SKOR2: variants seen among roughly 807,000 people sequenced by gnomAD.
SKOR2 encodes SKI family transcriptional corepressor 2, also known as LBX1 corepressor 1-like protein.
Under a neutral mutation model 69.1 loss-of-function variants are expected in SKOR2, and 47 were observed. The observed-to-expected ratio is 0.68, with a 90% CI of 0.54 to 0.87. The LOEUF (loss-of-function observed/expected upper bound fraction) is 0.87. Among genes scored for constraint, SKOR2 ranks in the 40% least tolerant of loss-of-function variants. The probability of loss-of-function intolerance (pLI) is 0.00; values close to 1 mark genes in which losing one functional copy is unlikely to be tolerated. For missense variants in SKOR2, 1,404 were observed against 1,472.2 expected, an observed-to-expected ratio of 0.95 and a Z score of 0.76; for synonymous variants, 717 against 672.6, an observed-to-expected ratio of 1.07 and a Z score of -1.02.
intron 4 of SKOR2, among the ~76,000 whole-genome samples, chr18:47,242,281 A>G (rs943625656): frequency 2.0e-5 from 3 of 152,168 alleles, no homozygotes; most frequent in African/African-American, 4.8e-5. Context: ...ATTAATATAC[A>G]TGAAATGAAG....
At chr18:47,236,762 C>A (rs1038205238) in intron 4 of SKOR2, among the ~76,000 whole-genome samples, 1 of 152,132 alleles carries the variant, frequency 6.6e-6, no homozygotes, top group Admixed American at 6.5e-5. Context: ...GTCTAAGCCA[C>A]CCAGTCGATG....
At chr18:47,249,654 T>G (rs1018339920) in intron 1 of SKOR2, among the ~76,000 whole-genome samples, 1 of 152,206 alleles carries the variant, frequency 6.6e-6, no homozygotes, top group Non-Finnish European at 1.5e-5. Context: ...GAGCTGTCAT[T>G]CTCATTTGCT....
At chr18:47,244,425 C>A (rs1425835076) in intron 4 of SKOR2, among the ~76,000 whole-genome samples, 1 of 152,162 alleles carries the variant, frequency 6.6e-6, no homozygotes, top group African/African-American at 2.4e-5. Flanking sequence ...TTCCCAAACC[C>A]CTTGGAGACA....
intron 4 of SKOR2, among the ~76,000 whole-genome samples, chr18:47,237,446 G>A (rs1320575998): frequency 2.0e-5 from 3 of 152,184 alleles, no homozygotes; most frequent in African/African-American, 4.8e-5. Flanking sequence ...GAATGGTCAG[G>A]TGACCTGTTC....
intron 4 of SKOR2, among the ~76,000 whole-genome samples, chr18:47,234,832 G>T (rs2064214769): frequency 7.8e-6 from 1 of 128,936 alleles, no homozygotes; most frequent in Admixed American, 9.3e-5. Context: ...CTGCATTCTA[G>T]TCTGGGTGAC....
intron 4 of SKOR2, among the ~76,000 whole-genome samples, chr18:47,235,780 CAAAAAA>C (rs11433396): frequency 1.7e-5 from 1 of 59,276 alleles, no homozygotes; most frequent in African/African-American, 5.3e-5. Context: ...CACAAACAAG[CAAAAAA>C]AAAAAAAAAA....
In SKOR2 at chr18:47,245,478, A is replaced by ATTTTTTTTTGTTTTTTTT; in HGVS notation, c.2677+19_2677+20insAAAAAAAACAAAAAAAAA. ...ATGCAGGCAAGAAAAGTGGCAGCTG[A>ATTTTTTTTTGTTTTTTTT]TTTTTTTTTTTTTTTTTACCTGAAA... On this transcript the variant is annotated intron_variant, in intron 3 of 8. Coordinates refer to ENST00000425639, the MANE Select transcript of SKOR2 (RefSeq NM_001278063.4). The ATTTTTTTTTGTTTTTTTT allele has an allele frequency of 8.4e-7, 1 of 1,194,644 alleles. No individual in the cohort carries two copies. 74.0% of individuals were successfully genotyped at this position (1,194,644 alleles called of 1,614,324 possible).
chr18:47,227,391 G>A (rs942542945), intron 6 of SKOR2, among the ~76,000 whole-genome samples: 2 of 147,304 alleles, frequency 1.4e-5, no homozygotes, highest in Admixed American at 1.4e-4. Flanking sequence ...AGGCTGGAGG[G>A]CAGTGGCGTG....
chr18:47,249,144 G>T lies in SKOR2; in HGVS notation c.40C>A (p.Leu14Met). 6.5e-7 allele frequency: 1 copy of T among 1,535,702 alleles called. No individual in the cohort carries two copies. Among genetic ancestry groups the T allele is most frequent in the Non-Finnish European group, 8.7e-7 (1 of 1,146,648 alleles). ...TGGAAGGCGCTCGACGGCGACGCCAGCAGGATGTCGTTGGGCCCTGGCAGC... is the reference window on the plus strand; with the variant it reads ...TGGAAGGCGCTCGACGGCGACGCCATCAGGATGTCGTTGGGCCCTGGCAGC... The part of the protein sequence containing the change: ...SPLPGPNDIL[L>M]ASPSSAFQPD... The change falls in exon 2 of 9, where the codon CTG (leucine) becomes ATG (methionine). Residue 14 changes from leucine (L) to methionine (M), a missense_variant. Physicochemically the swap from Leu to Met is conservative, Grantham distance 15 (BLOSUM62 2). Transcript: ENST00000425639.
In SKOR2 at chr18:47,227,139, TC is replaced by T. The variant is rs1393239553; in HGVS notation, c.2917+3319del. Among the ~76,000 whole-genome samples the T allele has an allele frequency of 2.6e-5, 4 of 151,900 alleles. No homozygotes were observed. In the East Asian group the frequency reaches 7.8e-4, roughly 30 times the overall value. On this transcript the variant is annotated intron_variant, in intron 6 of 8. Transcript: ENST00000425639. The stretch of plus-strand genomic sequence containing the variant: ...TCCCCAAATGTGGAGACTTGTTTCT[TC>T]TCCTCCATCTTCCTCCTTCTTCCTC...
chr18:47,220,726 G>C (rs544016472), intron 6 of SKOR2, among the ~76,000 whole-genome samples: 1 of 152,276 alleles, frequency 6.6e-6, no homozygotes, highest in African/African-American at 2.4e-5. Flanking sequence ...GTACAGTTTA[G>C]TGTTACATCT....
At chr18:47,246,331 A>T (rs1321108742) in intron 2 of SKOR2, among the ~76,000 whole-genome samples, 1 of 152,160 alleles carries the variant, frequency 6.6e-6, no homozygotes, top group East Asian at 1.9e-4. Context: ...CAGCCAGCTG[A>T]AATATAAGAG....
At chr18:47,243,226 G>A (rs1021599615) in intron 4 of SKOR2, among the ~76,000 whole-genome samples, 6 of 152,130 alleles carry the variant, frequency 3.9e-5, no homozygotes, top group Admixed American at 6.5e-5. Flanking sequence ...TGAAACGGCC[G>A]GAGGTGATTT....
intron 2 of SKOR2, among the ~76,000 whole-genome samples, chr18:47,246,307 C>G (rs142139852): frequency 1.8e-4 from 27 of 152,218 alleles, no homozygotes; most frequent in Non-Finnish European, 2.8e-4. Context: ...AGGGTCTTTT[C>G]CAACTTCCAC....
At position 47,246,597 on chromosome 18, in the gene SKOR2, G is replaced by A. The variant is rs1172190517; in HGVS notation, c.2587C>T (p.Leu863=). 6.6e-6 allele frequency: 10 copies of A among 1,524,456 alleles called. No homozygotes were observed. Among genetic ancestry groups the A allele is most frequent in the Non-Finnish European group, 7.9e-6 (9 of 1,142,108 alleles). The allele number at this position is 1,524,456 out of a possible 1,614,324, so 94.4% of individuals were successfully genotyped here. ...SPGSPVHHPS[L]EEQPSYKDSQ... ...TCTTTGTAGGAGGGCTGCTCCTCCA[G>A]TGATGGATGGTGAACTGGGCTGCCC... Residue 863 remains leucine (L), a synonymous_variant, in exon 2 of 9, where the codon CTG becomes TTG. Transcript: ENST00000425639.
At position 47,220,063 on chromosome 18, in the gene SKOR2, T is replaced by C. The variant is rs2064156559; in HGVS notation, c.2918-53A>G. ...TTAACTAAAGTGTAAAATCTACTTT[T>C]AGTTTAGCTAGTAAAAACATTATTG... On this transcript the variant is annotated intron_variant, in intron 6 of 8. Coordinates refer to ENST00000425639, the MANE Select transcript of SKOR2 (RefSeq NM_001278063.4). The C allele has an allele frequency of 2.8e-6, 4 of 1,445,442 alleles. No individual in the cohort carries two copies. The South Asian group carries it at 3.7e-5, about 13-fold the overall frequency. The allele number at this position is 1,445,442 out of a possible 1,614,324, so 89.5% of individuals were successfully genotyped here.
Position 47,238,311 on chromosome 18 carries a change from T to G in SKOR2, c.2752+6597A>C, listed in dbSNP as rs547711024. Reference sequence around the variant, plus strand: ...GTAAATTTAGTAAATAATTTTTTTCTTTTCTTTTCTTTTTTTTTTTTTTTT... The same window carrying G: ...GTAAATTTAGTAAATAATTTTTTTCGTTTCTTTTCTTTTTTTTTTTTTTTT... On this transcript the variant is annotated intron_variant, in intron 4 of 8. Coordinates refer to ENST00000425639, the MANE Select transcript of SKOR2 (RefSeq NM_001278063.4). 6.9e-5 allele frequency among the ~76,000 whole-genome samples: 10 copies of G among 145,642 alleles called. No individual in the cohort carries two copies. The East Asian group carries it at 1.8e-3, about 26-fold the overall frequency.
At chr18:47,245,941 G>A (rs2064271034) in intron 2 of SKOR2, among the ~76,000 whole-genome samples, 1 of 152,084 alleles carries the variant, frequency 6.6e-6, no homozygotes, top group Admixed American at 6.5e-5. Context: ...TGAATGTTCA[G>A]TCATTTAAAT....
intron 7 of SKOR2, among the ~76,000 whole-genome samples, chr18:47,214,592 A>G (rs11873442): frequency 0.038 from 5,752 of 152,326 alleles, 115 homozygotes; most frequent in African/African-American, 0.049. Context: ...GTTCCTGGAA[A>G]CAACATTATT....
Sources: gnomAD v4.1 joint callset for allele counts (sites outside exome capture counted in the v4.1 genomes callset) on GRCh38, gnomAD v4.1.1 for gene constraint, MANE v1.5 for transcripts, NCBI Gene and HGNC (gene_info 2026-07-23, HGNC 2026-07-21) for gene names.